TRAPPC13: variants seen among roughly 807,000 people sequenced by gnomAD.
TRAPPC13 encodes the protein REV7-interacting novel NHEJ regulator 1.
A neutral mutation model predicts 54.0 loss-of-function variants in TRAPPC13; 39 were observed. That is an observed-to-expected ratio of 0.72 (90% CI 0.56 to 0.94). The LOEUF (loss-of-function observed/expected upper bound fraction) is 0.94, where lower values mean the gene tolerates loss of function less well. TRAPPC13 is among the 40% of genes least tolerant of loss of function. The pLI, the probability that TRAPPC13 is intolerant of heterozygous loss-of-function variation, is 0.00. For synonymous variants in TRAPPC13, 148 were observed against 167.7 expected, an observed-to-expected ratio of 0.88 and a Z score of 0.91; for missense variants, 386 against 488.1, an observed-to-expected ratio of 0.79 and a Z score of 1.97.
At chr5:65,633,406 G>A (rs890513455) in intron 1 of TRAPPC13, among the ~76,000 whole-genome samples, 5 of 151,830 alleles carry the variant, frequency 3.3e-5, no homozygotes, top group African/African-American at 4.8e-5. Flanking sequence ...CAGCCTCTGC[G>A]AGTAGCTGGG....
At chr5:65,629,720 G>C (rs997448803) in intron 1 of TRAPPC13, 2 of 1,535,956 alleles carry the variant, frequency 1.3e-6, no homozygotes, top group Non-Finnish European at 1.7e-6. Context: ...GTTTCCATAT[G>C]ATGGGTCCAA....
At chr5:65,648,758 C>T (rs372023439) in intron 5 of TRAPPC13, among the ~76,000 whole-genome samples, 1 of 152,066 alleles carries the variant, frequency 6.6e-6, no homozygotes, top group East Asian at 1.9e-4. Flanking sequence ...TAACCAACCA[C>T]TATTAAAATA....
At chr5:65,630,317 TATG>T in intron 1 of TRAPPC13, 1 of 1,522,196 alleles carries the variant, frequency 6.6e-7, no homozygotes, top group Non-Finnish European at 8.8e-7. Context: ...TGTGCATAAA[TATG>T]GTGTTATTTT....
intron 1 of TRAPPC13, among the ~76,000 whole-genome samples, chr5:65,628,725 C>A (rs1455490704): frequency 6.6e-6 from 1 of 151,858 alleles, no homozygotes; most frequent in Non-Finnish European, 1.5e-5. Context: ...CCGCCTTGGC[C>A]CCCATAAAGT....
intron 5 of TRAPPC13, 104 bp from the exon 6 acceptor site, chr5:65,650,706 T>C: frequency 1.2e-6 from 1 of 836,604 alleles, no homozygotes; most frequent in Non-Finnish European, 2.0e-6. Flanking sequence ...ATCCACACCA[T>C]AGATATAAGT....
At position 65,639,701 on chromosome 5, in the gene TRAPPC13, C is replaced by G. The variant is rs762752803; in HGVS notation, c.300+1921C>G. ...AGCAGGCAGTTGGCTTTTGAGCACT[C>G]TTTGTGTTAGAAAGACTGATATGAG... On this transcript the variant is annotated intron_variant, in intron 4 of 12. Coordinates refer to ENST00000399438, the MANE Select transcript of TRAPPC13 (RefSeq NM_024941.4). Among the ~76,000 whole-genome samples, 24 of 152,180 alleles carry G rather than the reference C, an allele frequency of 1.6e-4. 1 individual carries two copies. The highest frequency in any genetic ancestry group is 3.2e-4 in the Non-Finnish European group (22 of 68,040).
chr5:65,644,549 G>A lies in TRAPPC13; in HGVS notation c.301-2506G>A, dbSNP rs1756107719. On this transcript the variant is annotated intron_variant, in intron 4 of 12. Coordinates refer to ENST00000399438, the MANE Select transcript of TRAPPC13 (RefSeq NM_024941.4). The stretch of plus-strand genomic sequence containing the variant: ...AAACATATTCAACAGAAAGCCAATG[G>A]GTTCAATTATTTCTTTTTTTCTCTA... 2.0e-5 allele frequency among the ~76,000 whole-genome samples: 3 copies of A among 152,262 alleles called. No individual in the cohort carries two copies. The South Asian group carries it at 6.2e-4, about 32-fold the overall frequency.
intron 4 of TRAPPC13, among the ~76,000 whole-genome samples, chr5:65,642,596 T>C (rs766139462): frequency 1.0e-4 from 15 of 146,410 alleles, no homozygotes; most frequent in African/African-American, 2.4e-5. Context: ...TTGATTTATA[T>C]TGATAAAAGT....
Position 65,647,176 on chromosome 5 carries a change from C to T in TRAPPC13, c.422C>T (p.Thr141Ile). 1 of 1,583,666 alleles carries T rather than the reference C, an allele frequency of 6.3e-7. No homozygotes were observed. The highest frequency in any genetic ancestry group is 8.6e-7 in the Non-Finnish European group (1 of 1,164,186). ...CATCATGAAGTCAAAGAAATTGGAACACACATGTAAGGATTAATTTTATTA... is the reference window on the plus strand; with the variant it reads ...CATCATGAAGTCAAAGAAATTGGAATACACATGTAAGGATTAATTTTATTA... ...VIHHEVKEIG[T>I]HILVCAVSYT... The change falls in exon 5 of 13, where the codon ACA becomes ATA. Residue 141 changes from threonine (T) to isoleucine (I), a missense_variant. Thr to Ile is a moderately conservative substitution (Grantham distance 89). Coordinates refer to ENST00000399438, the MANE Select transcript of TRAPPC13 (RefSeq NM_024941.4).
chr5:65,652,726 A>T, intron 7 of TRAPPC13, 181 bp downstream of exon 7: 1 of 659,862 alleles, frequency 1.5e-6, no homozygotes, highest in Non-Finnish European at 2.8e-6. Flanking sequence ...AATCTTTTTC[A>T]GCTTACATGG....
chr5:65,641,332 C>G (rs1755956988), intron 4 of TRAPPC13, among the ~76,000 whole-genome samples: 1 of 152,038 alleles, frequency 6.6e-6, no homozygotes, highest in Non-Finnish European at 1.5e-5. Context: ...GTCTTTTGAT[C>G]AGGTTTTAGG....
In TRAPPC13 at chr5:65,662,165, T is replaced by A. The variant is rs773932245; in HGVS notation, c.998+15T>A. 1 of 1,540,364 alleles carries A rather than the reference T, an allele frequency of 6.5e-7. No individual in the cohort carries two copies. Among genetic ancestry groups the A allele is most frequent in the Admixed American group, 1.9e-5 (1 of 53,772 alleles). ...ACAAACTGCAGGTAATGCCACTGTT[T>A]GTAGATGGATGTCCTTTCTACCTCA... On this transcript the variant is annotated intron_variant, in intron 11 of 12. Transcript: ENST00000399438.
chr5:65,648,103 C>T (rs1756280945), intron 5 of TRAPPC13, among the ~76,000 whole-genome samples: 1 of 152,158 alleles, frequency 6.6e-6, no homozygotes, highest in Admixed American at 6.5e-5. Context: ...TCTTAACAAA[C>T]CACAGTAGTT....
intron 4 of TRAPPC13, among the ~76,000 whole-genome samples, chr5:65,645,726 C>T (rs949583637): frequency 1.3e-5 from 2 of 152,140 alleles, no homozygotes; most frequent in Non-Finnish European, 2.9e-5. Flanking sequence ...ATGGCGTGAA[C>T]CTGGGAGATG....
chr5:65,640,449 T>G (rs1755924056), intron 4 of TRAPPC13, among the ~76,000 whole-genome samples: 1 of 152,192 alleles, frequency 6.6e-6, no homozygotes, highest in Non-Finnish European at 1.5e-5. Context: ...ACTCATTTGT[T>G]TATGTTTTAT....
At chr5:65,662,317 T>C (rs1045260560) in intron 11 of TRAPPC13, 167 bp downstream of exon 11, 28 of 500,400 alleles carry the variant, frequency 5.6e-5, no homozygotes, top group Non-Finnish European at 9.4e-5. Context: ...GCAGTATAAT[T>C]ACATATTTTT....
chr5:65,664,216 T>C, intron 11 of TRAPPC13, 21 bp from the exon 12 acceptor site: 6 of 1,609,482 alleles, frequency 3.7e-6, no homozygotes, highest in Non-Finnish European at 5.1e-6. Flanking sequence ...TTTATTCCTA[T>C]TATTCTGATT....
chr5:65,631,912 A>G (rs1311967094), intron 1 of TRAPPC13, among the ~76,000 whole-genome samples: 3 of 101,416 alleles, frequency 3.0e-5, no homozygotes, highest in Non-Finnish European at 4.3e-5. Flanking sequence ...CCAGGACACT[A>G]AGAAAAAAAA....
chr5:65,651,842 G>GTTTTTTTTGTTTTTTTTTTTTTT (rs1756457486), intron 6 of TRAPPC13, among the ~76,000 whole-genome samples: 2 of 41,136 alleles, frequency 4.9e-5, no homozygotes, highest in African/African-American at 1.9e-4. Context: ...ACGTGATTCA[G>GTTTTTTTTGTTTTTTTTTTTTTT]TTTTTTTTTT....
Sources: gnomAD v4.1 joint callset for allele counts (sites outside exome capture counted in the v4.1 genomes callset) on GRCh38, gnomAD v4.1.1 for gene constraint, MANE v1.5 for transcripts, NCBI Gene and HGNC (gene_info 2026-07-23, HGNC 2026-07-21) for gene names.